Variants in PGAP6 observed in about 807,000 individuals in gnomAD.
PGAP6 encodes post-GPI attachment to proteins factor 6.
Under a neutral mutation model 68.4 loss-of-function variants are expected in PGAP6, and 62 were observed. The ratio of observed to expected loss-of-function variants is 0.91; its 90% CI spans 0.74 to 1.12. The LOEUF (loss-of-function observed/expected upper bound fraction) is 1.12. Among genes scored for constraint, PGAP6 ranks in the 50% most tolerant of loss-of-function variants. The pLI, the probability that PGAP6 is intolerant of heterozygous loss-of-function variation, is 0.00. For synonymous variants in PGAP6, 575 were observed against 474.0 expected, an observed-to-expected ratio of 1.21 and a Z score of -2.77; for missense variants, 1,188 against 1,068.5, an observed-to-expected ratio of 1.11 and a Z score of -1.56.
chr16:377,439 G>T lies in PGAP6; in HGVS notation c.446C>A (p.Ala149Asp). The stretch of plus-strand genomic sequence containing the variant: ...GGCGGCCACGAACCAGTCCCCGGGG[G>T]CCGGGTGGGAAACGTTGACGGAGGC... ...SNASVNVSHPAPGDWFVAAHL... is the reference protein window; with the variant it reads ...SNASVNVSHPDPGDWFVAAHL... Residue 149 changes from alanine to aspartate, a missense_variant, in exon 3 of 13, where the codon GCC becomes GAC. By Grantham distance (126) the Ala-to-Asp change is moderately radical. Transcript: ENST00000431232. 6.2e-7 allele frequency: 1 copy of T among 1,610,618 alleles called. No homozygotes were observed. Among genetic ancestry groups the T allele is most frequent in the Non-Finnish European group, 8.5e-7 (1 of 1,178,906 alleles).
chr16:375,066 C>A (rs978381712), intron 8 of PGAP6, 67 bp downstream of exon 8: 4 of 1,591,666 alleles, frequency 2.5e-6, no homozygotes, highest in Non-Finnish European at 2.6e-6. Context: ...CCTCAGGCAG[C>A]CCGGCCTGTG....
At chr16:382,703 C>T (rs1248730713), upstream of PGAP6, among the ~76,000 whole-genome samples, 1 of 149,160 alleles carries the variant, frequency 6.7e-6, no homozygotes, top group African/African-American at 2.5e-5. Context: ...GTCGGCTTTT[C>T]CAAGCGTGGC....
In PGAP6 at chr16:377,475, G is replaced by A. The variant is rs374634916; in HGVS notation, c.410C>T (p.Pro137Leu). The change falls in exon 3 of 13, where the codon CCG becomes CTG. Residue 137 changes from proline (P) to leucine (L), a missense_variant. Transcript: ENST00000431232. Reference protein sequence around the residue: ...FQVGVPLSTTPRSNASVNVSH... With the variant: ...FQVGVPLSTTLRSNASVNVSH... ...AACGTTGACGGAGGCATTGCTTCTCGGTGTGGTGCTCAGCGGCACCCCGAC... is the reference window on the plus strand; with the variant it reads ...AACGTTGACGGAGGCATTGCTTCTCAGTGTGGTGCTCAGCGGCACCCCGAC... 1.6e-5 allele frequency: 25 copies of A among 1,610,268 alleles called. No homozygotes were observed. Among genetic ancestry groups the A allele is most frequent in the African/African-American group, 1.3e-4 (10 of 75,020 alleles).
Position 377,604 on chromosome 16 carries a change from C to T in PGAP6, c.300-19G>A. ...GAAGTGCCTGGAGACGGGAGAGCAG[C>T]ACCGGGTTCAGGCACAGGGCTTGGC... On this transcript the variant is annotated intron_variant, in intron 2 of 12. Coordinates refer to ENST00000431232, the MANE Select transcript of PGAP6 (RefSeq NM_021259.3). 3 of 1,568,170 alleles carry T rather than the reference C, an allele frequency of 1.9e-6. No homozygotes were observed. Among genetic ancestry groups the T allele is most frequent in the East Asian group, 2.4e-5 (1 of 42,330 alleles).
chr16:377,274 C>T, intron 3 of PGAP6, 104 bp downstream of exon 3: 3 of 1,581,912 alleles, frequency 1.9e-6, no homozygotes, highest in Non-Finnish European at 8.6e-7. Flanking sequence ...CCCCAGAGTG[C>T]AGCGTGGAGC....
At chr16:375,563 T>C (rs1370291457) in intron 6 of PGAP6, 128 bp from the exon 7 acceptor site, 2 of 760,852 alleles carry the variant, frequency 2.6e-6, no homozygotes, top group South Asian at 1.7e-5. Flanking sequence ...GATGGAGTCT[T>C]GCTCTGTCGC....
rs966152462 is a variant in PGAP6, at chr16:376,659, C to A, written c.789G>T (p.Trp263Cys). The A allele has an allele frequency of 6.2e-7, 1 of 1,609,436 alleles. No individual in the cohort carries two copies. The highest frequency in any genetic ancestry group is 8.5e-7 in the Non-Finnish European group (1 of 1,178,608). Residue 263 changes from tryptophan to cysteine, a missense_variant, in exon 5 of 13, where the codon TGG becomes TGT. Transcript: ENST00000431232. ...GTGAGGGCAGCAGCAGGCGGCAGGG[C>A]CAGGGGGCACCGGTGCAGGTGAGCA... is the stretch of plus-strand genomic sequence containing the variant. ...QKVLTCTGAP[W>C]PCRLLLPSPP...
upstream of PGAP6, among the ~76,000 whole-genome samples, chr16:386,330 G>A (rs1306132766): frequency 6.6e-6 from 1 of 152,060 alleles, no homozygotes. Context: ...ACTGTGTGAG[G>A]ACCCCTCTCT....
At chr16:380,343 C>G (rs2054426273) in intron 1 of PGAP6, among the ~76,000 whole-genome samples, 1 of 151,968 alleles carries the variant, frequency 6.6e-6, no homozygotes, top group Non-Finnish European at 1.5e-5. Context: ...ATTACCACAC[C>G]CAGGTTATTT....
At chr16:381,314 G>A (rs1053517817) in intron 1 of PGAP6, among the ~76,000 whole-genome samples, 1 of 152,214 alleles carries the variant, frequency 6.6e-6, no homozygotes, top group Non-Finnish European at 1.5e-5. Flanking sequence ...CCCTCTCTCA[G>A]GCCGGACCCG....
intron 1 of PGAP6, among the ~76,000 whole-genome samples, chr16:381,082 G>A (rs985081981): frequency 2.6e-5 from 4 of 152,250 alleles, no homozygotes; most frequent in African/African-American, 9.6e-5. Flanking sequence ...GGGACCCTCA[G>A]GGAACAGAAA....
intron 1 of PGAP6, among the ~76,000 whole-genome samples, chr16:378,242 G>T (rs113633968): frequency 0.23 from 6,883 of 29,432 alleles, 92 homozygotes; most frequent in African/African-American, 0.31. Context: ...ATCGCCACCC[G>T]CACTGCCATC....
At chr16:383,623 A>T (rs743962), upstream of PGAP6, among the ~76,000 whole-genome samples, 1 of 152,112 alleles carries the variant, frequency 6.6e-6, no homozygotes, top group Non-Finnish European at 1.5e-5. Context: ...AGTAGCTGCA[A>T]GAAAGGAACA....
intron 4 of PGAP6, 95 bp from the exon 5 acceptor site, chr16:376,907 T>C: frequency 6.4e-7 from 1 of 1,561,356 alleles, no homozygotes; most frequent in African/African-American, 1.4e-5. Flanking sequence ...CCCACTCTGG[T>C]GGGGGCCAGG....
At chr16:377,193 C>T (rs762619761) in intron 3 of PGAP6, 29 bp from the exon 4 acceptor site, 20 of 1,612,140 alleles carry the variant, frequency 1.2e-5, no homozygotes, top group African/African-American at 5.3e-5. Flanking sequence ...TGGGCGGGGG[C>T]GGTGTCAGAG....
At chr16:386,013 A>G (rs544746649), upstream of PGAP6, among the ~76,000 whole-genome samples, 29 of 152,262 alleles carry the variant, frequency 1.9e-4, no homozygotes, top group African/African-American at 6.7e-4. Flanking sequence ...GTTGCTGGAT[A>G]ACAGGGACGC....
upstream of PGAP6, chr16:386,925 C>G (rs113147204): frequency 8.4e-6 from 5 of 592,764 alleles, no homozygotes; most frequent in African/African-American, 1.9e-5. Flanking sequence ...ACTGCGACGC[C>G]GGAGGCGGCC....
rs534747867 is a variant in PGAP6 at position 377,701 on chromosome 16, C to G, written c.269G>C (p.Gly90Ala). The G allele has an allele frequency of 6.3e-7, 1 of 1,592,638 alleles. No homozygotes were observed. The highest frequency in any genetic ancestry group is 1.3e-5 in the African/African-American group (1 of 74,658). Residue 90 changes from glycine (G) to alanine (A), a missense_variant, in exon 2 of 13, where the codon GGC (glycine) becomes GCC (alanine). Physicochemically the swap from Gly to Ala is moderately conservative, Grantham distance 60. Transcript: ENST00000431232. ...RWLLQVSRES[G>A]AACTDAEITV... ...GATCTCCGCGTCGGTGCAGGCAGCG[C>G]CGCTCTCCCGGGAGACCTGCAGGAG...
In PGAP6 at chr16:374,827, C is replaced by A. The variant is rs1342624967; in HGVS notation, c.1505G>T (p.Cys502Phe). The A allele has an allele frequency of 6.2e-7, 1 of 1,612,928 alleles. No individual in the cohort carries two copies. The highest frequency in any genetic ancestry group is 1.3e-5 in the African/African-American group (1 of 74,938). Residue 502 changes from cysteine (C) to phenylalanine (F), a missense_variant, in exon 9 of 13, where the codon TGT (cysteine) becomes TTT (phenylalanine). Physicochemically the swap from Cys to Phe is radical, Grantham distance 205. Transcript: ENST00000431232. ...CAGGAGGCACTGGCCATAGGGTCCA[C>A]AATCGTTCAAACAGGGCACCAGGTA... ...TLYLVPCLND[C>F]GPYGQCLLLR... is the part of the protein sequence containing the mutation.
Sources: allele counts gnomAD v4.1 joint callset (sites outside exome capture counted in the v4.1 genomes callset), GRCh38; gene constraint gnomAD v4.1.1; transcripts MANE v1.5; gene names NCBI Gene and HGNC (gene_info 2026-07-23, HGNC 2026-07-21).